The following TMEM266 variants were observed in gnomAD, a reference collection of about 807,000 sequenced individuals.
TMEM266 encodes transmembrane protein 266.
Under a neutral mutation model 50.5 loss-of-function variants are expected in TMEM266, and 33 were observed. The ratio of observed to expected loss-of-function variants is 0.65; its 90% CI spans 0.50 to 0.87. The LOEUF is 0.87. TMEM266 is among the 40% of genes least tolerant of loss of function. TMEM266 has a pLI of 0.00. For synonymous variants in TMEM266, 310 were observed against 292.3 expected (o/e 1.06, Z -0.62); for missense variants, 655 against 695.1 (o/e 0.94, Z 0.65).
intron 6 of TMEM266, among the ~76,000 whole-genome samples, chr15:76,170,219 T>A (rs2038166355): frequency 6.6e-6 from 1 of 152,320 alleles, no homozygotes; most frequent in Non-Finnish European, 1.5e-5. Context: ...TCAACGTGCT[T>A]CTCAGGCTGG....
chr15:76,083,403 G>A (rs1041498649), intron 1 of TMEM266, among the ~76,000 whole-genome samples: 1 of 152,006 alleles, frequency 6.6e-6, no homozygotes, highest in African/African-American at 2.4e-5. Context: ...GTCTGGTGCT[G>A]GCCTGACACT....
chr15:76,192,857 G>A (rs1297778754), intron 9 of TMEM266, among the ~76,000 whole-genome samples: 1 of 152,246 alleles, frequency 6.6e-6, no homozygotes, highest in Non-Finnish European at 1.5e-5. Flanking sequence ...CAGGGCTGCT[G>A]CGAGGCTCAG....
rs567077267 is a variant in TMEM266 at position 76,125,590 on chromosome 15, G to A, written c.-96-8578G>A. Among the ~76,000 whole-genome samples, 8 of 152,140 alleles carry A rather than the reference G, an allele frequency of 5.3e-5. No individual in the cohort carries two copies. The South Asian group carries it at 1.7e-3, about 32-fold the overall frequency. ...GGGCTGGGCATGGTGGCTCACGCCT[G>A]TAATCCCAGCACTTTGGGAGGCCCA... On this transcript the variant is annotated intron_variant, in intron 1 of 10. Transcript: ENST00000388942.
chr15:76,148,141 G>A (rs1274175890), intron 3 of TMEM266, among the ~76,000 whole-genome samples: 1 of 152,228 alleles, frequency 6.6e-6, no homozygotes, highest in African/African-American at 2.4e-5. Context: ...GTGTGTCGGG[G>A]ATGTTTCCTG....
At chr15:76,137,959 C>A in intron 3 of TMEM266, 64 bp downstream of exon 3, 3 of 1,467,398 alleles carry the variant, frequency 2.0e-6, no homozygotes. Flanking sequence ...CGGTGGCTCA[C>A]GCCTGTAATC....
chr15:76,069,677 A>G (rs8039803), intron 1 of TMEM266, among the ~76,000 whole-genome samples: 3,224 of 152,064 alleles, frequency 0.021, 121 homozygotes, highest in African/African-American at 0.073. Context: ...AATTAGCGGG[A>G]CATGGTGGTG....
chr15:76,106,062 C>T (rs1463607446), intron 1 of TMEM266, among the ~76,000 whole-genome samples: 2 of 152,148 alleles, frequency 1.3e-5, no homozygotes, highest in Non-Finnish European at 1.5e-5. Context: ...TGCACAGGCC[C>T]CCAGTTTAGC....
intron 1 of TMEM266, among the ~76,000 whole-genome samples, chr15:76,073,083 C>A (rs1284531071): frequency 6.6e-6 from 1 of 151,876 alleles, no homozygotes; most frequent in East Asian, 1.9e-4. Flanking sequence ...AGGCATGTGT[C>A]ACCACACCCA....
At chr15:76,073,711 G>A (rs902355502) in intron 1 of TMEM266, among the ~76,000 whole-genome samples, 3 of 152,238 alleles carry the variant, frequency 2.0e-5, no homozygotes, top group African/African-American at 4.8e-5. Flanking sequence ...ATTATACACT[G>A]TAGGCAGCTT....
chr15:76,134,201 C>T lies in TMEM266; in HGVS notation c.-63C>T, dbSNP rs760964744. 788 of 1,567,382 alleles carry T rather than the reference C, an allele frequency of 5.0e-4. No homozygotes were observed. Among genetic ancestry groups the T allele is most frequent in the Non-Finnish European group, 6.3e-4 (721 of 1,139,324 alleles). ...ATTTGTATGTGTCTTGTAGAACCCA[C>T]GCTTGGAAATGCTGACAGCAGGCTT... is the stretch of plus-strand genomic sequence containing the variant. On this transcript the variant is annotated 5_prime_UTR_variant, in exon 2 of 11. The change creates a new upstream start codon in the 5' untranslated region. Transcript: ENST00000388942.
At chr15:76,072,640 T>A (rs975248971) in intron 1 of TMEM266, among the ~76,000 whole-genome samples, 5 of 151,994 alleles carry the variant, frequency 3.3e-5, no homozygotes, top group African/African-American at 4.8e-5. Context: ...CTACTTTTTT[T>A]TTCTTTCTTT....
chr15:76,194,088 T>C (rs976618160), intron 9 of TMEM266, among the ~76,000 whole-genome samples: 1 of 152,204 alleles, frequency 6.6e-6, no homozygotes, highest in Admixed American at 6.5e-5. Context: ...TGGGGACCAC[T>C]TGGCTGAGCT....
At chr15:76,101,562 T>C (rs1006182228) in intron 1 of TMEM266, among the ~76,000 whole-genome samples, 3 of 152,238 alleles carry the variant, frequency 2.0e-5, no homozygotes, top group Non-Finnish European at 2.9e-5. Flanking sequence ...GGGCTTTGGC[T>C]TCTTTACCTA....
chr15:76,187,760 C>A (rs958052219), intron 8 of TMEM266, among the ~76,000 whole-genome samples: 2 of 152,128 alleles, frequency 1.3e-5, no homozygotes, highest in African/African-American at 4.8e-5. Flanking sequence ...AGGCCTCAGT[C>A]TTTGTCTTAA....
chr15:76,142,840 C>T (rs966030634), intron 3 of TMEM266, among the ~76,000 whole-genome samples: 7 of 152,156 alleles, frequency 4.6e-5, no homozygotes, highest in East Asian at 1.9e-4. Flanking sequence ...CTCAGGCTGC[C>T]GATGGCTCAG....
chr15:76,063,528 C>T (rs190452954), intron 1 of TMEM266, among the ~76,000 whole-genome samples: 5 of 152,322 alleles, frequency 3.3e-5, no homozygotes, highest in African/African-American at 1.2e-4. Context: ...TCCCTCGCCT[C>T]ATTTCAGCTT....
intron 1 of TMEM266, among the ~76,000 whole-genome samples, chr15:76,111,463 A>G (rs916698417): frequency 3.3e-5 from 5 of 152,052 alleles, no homozygotes; most frequent in African/African-American, 7.3e-5. Context: ...AGTAAACACT[A>G]TTCTAAGCCA....
intron 3 of TMEM266, among the ~76,000 whole-genome samples, chr15:76,141,392 T>C (rs993966827): frequency 1.3e-5 from 2 of 151,900 alleles, no homozygotes; most frequent in African/African-American, 2.4e-5. Context: ...CGTGCAATCA[T>C]GCCCAGCTAA....
At chr15:76,143,294 G>A (rs572611878) in intron 3 of TMEM266, among the ~76,000 whole-genome samples, 43 of 152,090 alleles carry the variant, frequency 2.8e-4, no homozygotes, top group African/African-American at 9.6e-4. Flanking sequence ...TGAAAGCCTC[G>A]TGACGTTTGC....
Sources: gnomAD v4.1 joint callset for allele counts (sites outside exome capture counted in the v4.1 genomes callset) on GRCh38, gnomAD v4.1.1 for gene constraint, MANE v1.5 for transcripts, NCBI Gene and HGNC (gene_info 2026-07-23, HGNC 2026-07-21) for gene names.